TMLHE: variants seen among roughly 807,000 people sequenced by gnomAD.
TMLHE encodes the protein trimethyllysine hydroxylase, epsilon, also known as trimethyllysine dioxygenase, mitochondrial.
Under a neutral mutation model 25.7 loss-of-function variants are expected in TMLHE, and 18 were observed. That is an observed-to-expected ratio of 0.70 (90% CI 0.48 to 1.04). The LOEUF is 1.04. Ranked by LOEUF, TMLHE falls within the 50% of genes least tolerant of loss-of-function variation. The probability of loss-of-function intolerance (pLI) is 0.00; values close to 1 mark genes in which losing one functional copy is unlikely to be tolerated. For missense variants in TMLHE, 236 were observed against 259.0 expected, an observed-to-expected ratio of 0.91 and a Z score of 0.61; for synonymous variants, 105 against 97.0, an observed-to-expected ratio of 1.08 and a Z score of -0.49.
At chrX:155,584,458 G>T (rs1345833904) in intron 1 of TMLHE, among the ~76,000 whole-genome samples, 2 of 110,976 alleles carry the variant, frequency 1.8e-5, no homozygotes, top group African/African-American at 6.5e-5. Context: ...GAAATAATAG[G>T]TGAAAAATTC....
chrX:155,588,269 T>C (rs1351746359), intron 1 of TMLHE, among the ~76,000 whole-genome samples: 2 of 112,015 alleles, frequency 1.8e-5, no homozygotes, highest in African/African-American at 6.5e-5. Flanking sequence ...CCCTCTTCAA[T>C]AGATGATTCT....
rs1380743798 is a variant in TMLHE at position 155,504,596 on chromosome X, G to T, written c.995+2302C>A. Among the ~76,000 whole-genome samples the T allele has an allele frequency of 3.6e-5, 4 of 110,982 alleles. No individual in the cohort carries two copies. In the East Asian group the frequency reaches 8.5e-4, roughly 24 times the overall value. On this transcript the variant is annotated intron_variant, in intron 6 of 7. Transcript: ENST00000334398. Reference sequence around the variant, plus strand: ...ACATTGTTGATGACAGTGTAAAATGGTACAAGTACTTTGGTAAAACTTGTT... The same window carrying T: ...ACATTGTTGATGACAGTGTAAAATGTTACAAGTACTTTGGTAAAACTTGTT...
intron 2 of TMLHE, 97 bp downstream of exon 2, chrX:155,544,999 C>T (rs2067334892): frequency 2.1e-6 from 2 of 968,709 alleles, no homozygotes; most frequent in Non-Finnish European, 2.9e-6. Flanking sequence ...GTTTTCTTAC[C>T]ACGATTTTAT....
chrX:155,538,522 CTG>C (rs1322911999), intron 2 of TMLHE, among the ~76,000 whole-genome samples: 2 of 111,426 alleles, frequency 1.8e-5, no homozygotes, highest in Non-Finnish European at 3.8e-5. Flanking sequence ...TCTAAGAAGA[CTG>C]TGTCATACCA....
chrX:155,548,535 G>GTCAGGAGTTTGAGA (rs1491301815), intron 1 of TMLHE, among the ~76,000 whole-genome samples: 3 of 109,194 alleles, frequency 2.7e-5, no homozygotes, highest in African/African-American at 6.8e-5. Flanking sequence ...GCAGTATGAG[G>GTCAGGAGTTTGAGA]CCAGCCTGAC....
At position 155,515,145 on chromosome X, in the gene TMLHE, C is replaced by T. The variant is rs188066252; in HGVS notation, c.359-880G>A. Among the ~76,000 whole-genome samples, 3 of 111,302 alleles carry T rather than the reference C, an allele frequency of 2.7e-5. No individual in the cohort carries two copies. The East Asian group carries it at 8.4e-4, about 31-fold the overall frequency. On this transcript the variant is annotated intron_variant, in intron 3 of 7. Coordinates refer to ENST00000334398, the MANE Select transcript of TMLHE (RefSeq NM_018196.4). The stretch of plus-strand genomic sequence containing the variant: ...ATCACCCAGATGAAACTATGATTGA[C>T]AGCCTGGCATCATTCCTTCCAGTTT...
intron 4 of TMLHE, 146 bp from the exon 5 acceptor site, chrX:155,511,938 A>G: frequency 1.9e-6 from 1 of 536,178 alleles, no homozygotes; most frequent in Non-Finnish European, 2.8e-6. Context: ...GGTGAAAATG[A>G]CAGTTGAACA....
chrX:155,539,554 T>C lies in TMLHE; in HGVS notation c.181+5542A>G, dbSNP rs782163622. 2.0e-3 allele frequency among the ~76,000 whole-genome samples: 226 copies of C among 111,878 alleles called. 1 individual carries two copies. Among genetic ancestry groups the C allele is most frequent in the African/African-American group, 7.1e-3 (219 of 30,820 alleles). On this transcript the variant is annotated intron_variant, in intron 2 of 7. Coordinates refer to ENST00000334398, the MANE Select transcript of TMLHE (RefSeq NM_018196.4). ...TGGGCTAATTGGAGAATGTCCTCCT[T>C]GTATGCAACCAGACCACAAAGACTG...
At chrX:155,525,095 T>G (rs1170290587) in intron 2 of TMLHE, among the ~76,000 whole-genome samples, 1 of 111,115 alleles carries the variant, frequency 9.0e-6, no homozygotes, top group Non-Finnish European at 1.9e-5. Context: ...GAAGCATAGG[T>G]GCGTAGAGGA....
At chrX:155,561,837 C>T (rs1198616506) in intron 1 of TMLHE, among the ~76,000 whole-genome samples, 1 of 62,828 alleles carries the variant, frequency 1.6e-5, no homozygotes, top group African/African-American at 3.5e-5. Context: ...TTCTCATATC[C>T]AGGGCATGCT....
chrX:155,601,703 T>C (rs2067757149), intron 1 of TMLHE, among the ~76,000 whole-genome samples: 1 of 111,285 alleles, frequency 9.0e-6, no homozygotes. Context: ...TAAGTATAAA[T>C]GGGTTAAACA....
At chrX:155,551,665 A>G (rs987502054) in intron 1 of TMLHE, among the ~76,000 whole-genome samples, 5 of 109,737 alleles carry the variant, frequency 4.6e-5, no homozygotes, top group Middle Eastern at 9.2e-3. Flanking sequence ...GAAGTTTTCC[A>G]TCTGTTCATT....
Position 155,570,745 on chromosome X carries a change from A to C in TMLHE, c.-1-25468T>G, listed in dbSNP as rs1182785232. ...CTGCTCCTGAATGACTACTGGGTAC[A>C]TAACGAAATGAAGGCAGAAATAAAG... is the stretch of plus-strand genomic sequence containing the variant. On this transcript the variant is annotated intron_variant, in intron 1 of 7. Transcript: ENST00000334398. Among the ~76,000 whole-genome samples, 13 of 57,489 alleles carry C rather than the reference A, an allele frequency of 2.3e-4. 2 individuals are homozygous for C. The highest frequency in any genetic ancestry group is 5.0e-4 in the African/African-American group (12 of 23,944). The allele number at this position is 57,489 out of a possible 115,157, so 49.9% of individuals were successfully genotyped here.
At chrX:155,558,619 TG>T (rs2067474525) in intron 1 of TMLHE, among the ~76,000 whole-genome samples, 1 of 111,841 alleles carries the variant, frequency 8.9e-6, no homozygotes, top group Non-Finnish European at 1.9e-5. Flanking sequence ...TTAATCTTAA[TG>T]TCTGCTTAAG....
intron 2 of TMLHE, among the ~76,000 whole-genome samples, chrX:155,531,456 G>A (rs1401510809): frequency 9.0e-6 from 1 of 110,620 alleles, no homozygotes; most frequent in Non-Finnish European, 1.9e-5. Context: ...TTAAACAACT[G>A]GATCTTGTCT....
rs1316796787 is a variant in TMLHE at position 155,562,998 on chromosome X, G to A, written c.-1-17721C>T. Among the ~76,000 whole-genome samples, 5 of 62,172 alleles carry A rather than the reference G, an allele frequency of 8.0e-5. 2 individuals are homozygous for A. In the Admixed American group the frequency reaches 9.3e-4, roughly 12 times the overall value. The allele number at this position is 62,172 out of a possible 115,157, so 54.0% of individuals were successfully genotyped here. A position where few individuals can be genotyped will look rare whatever the true frequency, so the allele number is the denominator to read the frequency against. ...TCAAAACCCTTCAACAAGTCTCTAG[G>A]AAGTTCCAAACTTTCCCACATCTTC... is the stretch of plus-strand genomic sequence containing the variant. On this transcript the variant is annotated intron_variant, in intron 1 of 7. Coordinates refer to ENST00000334398, the MANE Select transcript of TMLHE (RefSeq NM_018196.4).
At chrX:155,546,825 G>C (rs2067348135) in intron 1 of TMLHE, among the ~76,000 whole-genome samples, 1 of 110,913 alleles carries the variant, frequency 9.0e-6, no homozygotes, top group African/African-American at 3.3e-5. Context: ...TACAGATACT[G>C]TCTGAAACAG....
intron 1 of TMLHE, among the ~76,000 whole-genome samples, chrX:155,592,641 T>C (rs1341423939): frequency 4.5e-5 from 5 of 111,989 alleles, no homozygotes; most frequent in Admixed American, 3.8e-4. Context: ...AAGCCCACTC[T>C]AGTCTCACCT....
At chrX:155,600,708 C>T (rs1418044224) in intron 1 of TMLHE, among the ~76,000 whole-genome samples, 1 of 112,064 alleles carries the variant, frequency 8.9e-6, no homozygotes, top group Non-Finnish European at 1.9e-5. Flanking sequence ...CAAGTCTGTG[C>T]ACATGCTCGG....
Sources: gnomAD v4.1 joint callset for allele counts (sites outside exome capture counted in the v4.1 genomes callset) on GRCh38, gnomAD v4.1.1 for gene constraint, MANE v1.5 for transcripts, NCBI Gene and HGNC (gene_info 2026-07-23, HGNC 2026-07-21) for gene names.